DNAH7: variants seen among roughly 807,000 people sequenced by gnomAD.
DNAH7 encodes axonemal beta dynein heavy chain 7.
A neutral mutation model predicts 444.6 loss-of-function variants in DNAH7; 397 were observed. The ratio of observed to expected loss-of-function variants is 0.89; its 90% CI spans 0.82 to 0.97. DNAH7 has a LOEUF of 0.97. DNAH7 is among the 50% of genes least tolerant of loss of function. The pLI, the probability that DNAH7 is intolerant of heterozygous loss-of-function variation, is 0.00. For synonymous variants in DNAH7, 1,636 were observed against 1,624.4 expected, an observed-to-expected ratio of 1.01 and a Z score of -0.17; for missense variants, 4,902 against 4,800.8, an observed-to-expected ratio of 1.02 and a Z score of -0.62.
rs774672547 is a variant in DNAH7 at position 196,000,746 on chromosome 2, G to T, written c.1311C>A (p.Val437=). The T allele has an allele frequency of 1.3e-6, 2 of 1,589,840 alleles. No individual in the cohort carries two copies. The highest frequency in any genetic ancestry group is 1.2e-5 in the South Asian group (1 of 85,638). The part of the protein sequence containing the change: ...LNVYDVMIKA[V]SFVPRVETKL... Reference sequence around the variant, plus strand: ...TTGTCTCAACTCTTGGCACAAAACTGACAGCTTTAATCATGACGTCATAAA... The same window carrying T: ...TTGTCTCAACTCTTGGCACAAAACTTACAGCTTTAATCATGACGTCATAAA... Residue 437 remains valine (V), a synonymous_variant, in exon 12 of 65, where the codon GTC becomes GTA. Transcript: ENST00000312428.
chr2:195,882,799 C>CCTT (rs150529368), intron 35 of DNAH7, among the ~76,000 whole-genome samples: 2,231 of 152,304 alleles, frequency 0.015, 28 homozygotes, highest in Non-Finnish European at 0.022. Flanking sequence ...ACCCATCCTT[C>CCTT]CTTCACAACC....
chr2:195,812,929 T>A (rs1697038534), intron 51 of DNAH7, among the ~76,000 whole-genome samples: 1 of 152,222 alleles, frequency 6.6e-6, no homozygotes, highest in Non-Finnish European at 1.5e-5. Context: ...AATTGGAAAC[T>A]CTTAGTTTAC....
rs768499825 is a variant in DNAH7, at chr2:195,884,827, G to A, written c.5539-18C>T. 3.2e-6 allele frequency: 5 copies of A among 1,578,182 alleles called. No individual in the cohort carries two copies. The highest frequency in any genetic ancestry group is 3.5e-6 in the Non-Finnish European group (4 of 1,152,786). On this transcript the variant is annotated intron_variant, in intron 34 of 64. Transcript: ENST00000312428. The stretch of plus-strand genomic sequence containing the variant: ...AAAATGCCCTGCATTGGACAGATGA[G>A]AAGATTAAGAACAATTAAAGAATAA...
intron 1 of DNAH7, among the ~76,000 whole-genome samples, chr2:196,065,533 A>T (rs1698384272): frequency 6.6e-6 from 1 of 152,188 alleles, no homozygotes; most frequent in African/African-American, 2.4e-5. Context: ...TGAATTCTAC[A>T]GATGGACATC....
chr2:195,817,669 A>G, intron 50 of DNAH7, 27 bp downstream of exon 50: 1 of 1,577,212 alleles, frequency 6.3e-7, no homozygotes, highest in Non-Finnish European at 8.6e-7. Context: ...AACAAATAAG[A>G]ATAGTTCTGT....
chr2:195,790,656 G>A (rs1695838005), intron 57 of DNAH7, among the ~76,000 whole-genome samples: 1 of 152,000 alleles, frequency 6.6e-6, no homozygotes, highest in Non-Finnish European at 1.5e-5. Flanking sequence ...GAATGAAACT[G>A]GATCCCCACA....
In DNAH7 at chr2:195,846,187, A is replaced by T. The variant is rs541708182; in HGVS notation, c.8782-1022T>A. ...AGCAAAAAACAACTCACCCCTTTAA[A>T]AAGTAGGCAAAGAACATGAACAGAT... On this transcript the variant is annotated intron_variant, in intron 46 of 64. Coordinates refer to ENST00000312428, the MANE Select transcript of DNAH7 (RefSeq NM_018897.3). 1.6e-4 allele frequency among the ~76,000 whole-genome samples: 25 copies of T among 152,346 alleles called. No homozygotes were observed. The South Asian group carries it at 5.0e-3, about 30-fold the overall frequency.
At chr2:195,905,652 T>C in intron 27 of DNAH7, 1 of 152,166 alleles carries the variant, frequency 6.6e-6, no homozygotes, top group East Asian at 1.9e-4. Flanking sequence ...ACATATGCAA[T>C]TCATCAGAAA....
intron 44 of DNAH7, 25 bp downstream of exon 44, chr2:195,857,352 T>C (rs1197576197): frequency 3.3e-6 from 5 of 1,518,202 alleles, no homozygotes. Context: ...CCATACCAGC[T>C]GGATTTCTTT....
chr2:196,045,066 C>CA (rs1448613888), intron 5 of DNAH7, among the ~76,000 whole-genome samples: 1 of 148,448 alleles, frequency 6.7e-6, no homozygotes, highest in African/African-American at 2.5e-5. Flanking sequence ...GATTCTGTCT[C>CA]AAAAAAGAGA....
At chr2:196,042,963 GAAATA>G (rs1398513901) in intron 5 of DNAH7, among the ~76,000 whole-genome samples, 1 of 152,012 alleles carries the variant, frequency 6.6e-6, no homozygotes, top group Non-Finnish European at 1.5e-5. Flanking sequence ...ATAAACCTCA[GAAATA>G]AATATATGAT....
At chr2:195,938,495 A>G (rs1483007454) in intron 19 of DNAH7, among the ~76,000 whole-genome samples, 1 of 150,296 alleles carries the variant, frequency 6.7e-6, no homozygotes, top group Non-Finnish European at 1.5e-5. Flanking sequence ...TGTTTGGGGA[A>G]AAAAGCTGAA....
chr2:195,892,662 AACTAAAGTCTAT>A (rs1702081439), intron 30 of DNAH7: 1 of 152,100 alleles, frequency 6.6e-6, no homozygotes, highest in African/African-American at 2.4e-5. Flanking sequence ...CATTACTATT[AACTAAAGTCTAT>A]AGTTTACACT....
Position 195,824,317 on chromosome 2 carries a change from A to G in DNAH7, c.9229T>C (p.Phe3077Leu), listed in dbSNP as rs1453308957. The G allele has an allele frequency of 6.2e-6, 10 of 1,613,926 alleles. No individual in the cohort carries two copies. Among genetic ancestry groups the G allele is most frequent in the Non-Finnish European group, 8.5e-6 (10 of 1,179,882 alleles). ...AACTTGGTAGTAATATAGAAGCGGA[A>G]GTCAGGTGCATATTCAATTGTGGAG... ...GDSTIEYAPD[F>L]RFYITTKLRN... Residue 3077 changes from phenylalanine to leucine, a missense_variant, in exon 49 of 65, where the codon TTC becomes CTC. Transcript: ENST00000312428.
intron 46 of DNAH7, among the ~76,000 whole-genome samples, chr2:195,849,798 G>C (rs1450943561): frequency 6.6e-6 from 1 of 151,930 alleles, no homozygotes; most frequent in African/African-American, 2.4e-5. Context: ...AGACAGGGTT[G>C]TACTATGTTC....
At chr2:196,056,905 G>C (rs1374731245) in intron 2 of DNAH7, among the ~76,000 whole-genome samples, 1 of 152,064 alleles carries the variant, frequency 6.6e-6, no homozygotes, top group East Asian at 1.9e-4. Flanking sequence ...CTCTAATCTT[G>C]TTCCATAAAA....
At chr2:195,943,959 T>C (rs1446873841) in intron 19 of DNAH7, among the ~76,000 whole-genome samples, 1 of 152,114 alleles carries the variant, frequency 6.6e-6, no homozygotes, top group Non-Finnish European at 1.5e-5. Context: ...ATGCTCGCTT[T>C]TAGGTATATT....
Position 196,026,215 on chromosome 2 carries a change from A to C in DNAH7, c.667+545T>G, listed in dbSNP as rs558264467. On this transcript the variant is annotated intron_variant, in intron 7 of 64. Transcript: ENST00000312428. ...AATTAGTGTGGCTATGTTCCAATAAAACTTTATGAAAACAGGCAGTGGCCA... is the reference window on the plus strand; with the variant it reads ...AATTAGTGTGGCTATGTTCCAATAACACTTTATGAAAACAGGCAGTGGCCA... Among the ~76,000 whole-genome samples, 5 of 152,294 alleles carry C rather than the reference A, an allele frequency of 3.3e-5. No homozygotes were observed. In the South Asian group the frequency reaches 1.0e-3, roughly 32 times the overall value.
At chr2:195,874,728 G>A (rs930516006) in intron 38 of DNAH7, among the ~76,000 whole-genome samples, 9 of 152,100 alleles carry the variant, frequency 5.9e-5, no homozygotes, top group Non-Finnish European at 1.5e-5. Flanking sequence ...AGGCTGAGGT[G>A]GGAGGATCAC....
Sources: gnomAD v4.1 joint callset for allele counts (sites outside exome capture counted in the v4.1 genomes callset) on GRCh38, gnomAD v4.1.1 for gene constraint, MANE v1.5 for transcripts, NCBI Gene and HGNC (gene_info 2026-07-23, HGNC 2026-07-21) for gene names.